CWC27: variants seen among roughly 807,000 people sequenced by gnomAD.
CWC27 encodes the protein spliceosome-associated protein CWC27 homolog.
A neutral mutation model predicts 63.6 loss-of-function variants in CWC27; 47 were observed. That is an observed-to-expected ratio of 0.74 (90% CI 0.58 to 0.94). CWC27 has a LOEUF of 0.94. Among genes scored for constraint, CWC27 ranks in the 40% least tolerant of loss-of-function variants. CWC27 has a pLI of 0.00. For missense variants in CWC27, 495 were observed against 554.3 expected (o/e 0.89, Z 1.07); for synonymous variants, 175 against 179.8 (o/e 0.97, Z 0.22).
intron 2 of CWC27, 111 bp from the exon 3 acceptor site, chr5:64,781,810 C>A: frequency 2.0e-6 from 1 of 491,662 alleles, no homozygotes; most frequent in Admixed American, 3.8e-5. Flanking sequence ...GGCTGGGGAG[C>A]GTATTTAACA....
chr5:64,880,382 T>C (rs565432101), intron 10 of CWC27, among the ~76,000 whole-genome samples: 1 of 152,084 alleles, frequency 6.6e-6, no homozygotes, highest in Admixed American at 6.5e-5. Context: ...TCTAAAAAGG[T>C]GTTTATTTTA....
intron 7 of CWC27, among the ~76,000 whole-genome samples, chr5:64,796,002 CG>C (rs1250065696): frequency 2.9e-5 from 4 of 135,884 alleles, no homozygotes; most frequent in African/African-American, 1.1e-4. Context: ...AGAAATTGTG[CG>C]TGTGTGTGTG....
At chr5:64,925,870 C>G (rs6895512) in intron 11 of CWC27, among the ~76,000 whole-genome samples, 85 of 152,270 alleles carry the variant, frequency 5.6e-4, no homozygotes, top group African/African-American at 1.8e-3. Flanking sequence ...TGTCATGTTG[C>G]TTTTGTGATT....
chr5:64,884,458 T>G (rs1238999991), intron 10 of CWC27, among the ~76,000 whole-genome samples: 2 of 151,986 alleles, frequency 1.3e-5, no homozygotes, highest in African/African-American at 4.8e-5. Flanking sequence ...GGTAAAAAGG[T>G]ATAGGATTTG....
At chr5:64,878,641 A>C (rs1746857901) in intron 10 of CWC27, among the ~76,000 whole-genome samples, 1 of 151,804 alleles carries the variant, frequency 6.6e-6, no homozygotes, top group African/African-American at 2.4e-5. Context: ...GCTATACTCA[A>C]GTGCCACTTT....
At chr5:64,983,988 C>T (rs1460981454) in intron 13 of CWC27, among the ~76,000 whole-genome samples, 10 of 152,010 alleles carry the variant, frequency 6.6e-5, no homozygotes, top group African/African-American at 1.4e-4. Flanking sequence ...CGCACCACCA[C>T]GCCCGGCTAA....
intron 13 of CWC27, among the ~76,000 whole-genome samples, chr5:64,991,165 C>G (rs532710004): frequency 6.6e-6 from 1 of 152,320 alleles, no homozygotes; most frequent in Admixed American, 6.5e-5. Flanking sequence ...ACTTAGGATT[C>G]TCAACTCTGC....
In CWC27 at chr5:64,813,111, A is replaced by C. The variant is rs184031827; in HGVS notation, c.938+8725A>C. The stretch of plus-strand genomic sequence containing the variant: ...TCAATTATTTAAATAATGTTGCATA[A>C]TCTCTCAATGTAGACTAGGTGGTTT... On this transcript the variant is annotated intron_variant, in intron 10 of 13. Transcript: ENST00000381070. Among the ~76,000 whole-genome samples the C allele has an allele frequency of 4.3e-3, 660 of 152,268 alleles. 4 individuals are homozygous for C. The highest frequency in any genetic ancestry group is 0.031 in the Middle Eastern group (9 of 294).
At chr5:64,807,487 C>G in intron 10 of CWC27, 1 of 1,346,744 alleles carries the variant, frequency 7.4e-7, no homozygotes, top group East Asian at 2.6e-5. Flanking sequence ...AAAACGCTTC[C>G]TAGTTTCTCT....
At chr5:64,984,624 C>A (rs1209751889) in intron 13 of CWC27, among the ~76,000 whole-genome samples, 4 of 152,160 alleles carry the variant, frequency 2.6e-5, no homozygotes, top group Non-Finnish European at 5.9e-5. Context: ...CTGTTCAAGT[C>A]TTTTGCCTAT....
chr5:64,924,724 G>C (rs1003829848), intron 11 of CWC27, among the ~76,000 whole-genome samples: 1 of 152,136 alleles, frequency 6.6e-6, no homozygotes. Context: ...AGCACACATG[G>C]CTCATGTGCC....
At chr5:64,938,297 C>A (rs1301515144) in intron 11 of CWC27, among the ~76,000 whole-genome samples, 3 of 152,134 alleles carry the variant, frequency 2.0e-5, no homozygotes, top group Non-Finnish European at 4.4e-5. Context: ...TAAGGCAGGC[C>A]TGTTGGTGAC....
intron 13 of CWC27, among the ~76,000 whole-genome samples, chr5:65,010,504 C>G (rs1272689282): frequency 1.3e-5 from 2 of 152,130 alleles, no homozygotes; most frequent in Non-Finnish European, 2.9e-5. Flanking sequence ...TAACTAGGAG[C>G]TATTTTGTTA....
rs1337676548 is a variant in CWC27 at position 64,840,386 on chromosome 5, A to AT, written c.938+36000_938+36001insT. Among the ~76,000 whole-genome samples the AT allele has an allele frequency of 5.6e-3, 318 of 56,840 alleles. 9 individuals are homozygous for AT. The highest frequency in any genetic ancestry group is 8.1e-3 in the Non-Finnish European group (238 of 29,554). The allele number at this position is 56,840 out of a possible 152,430, so 37.3% of individuals were successfully genotyped here. A position where few individuals can be genotyped will look rare whatever the true frequency, so the allele number is the denominator to read the frequency against. On this transcript the variant is annotated intron_variant, in intron 10 of 13. Transcript: ENST00000381070. ...TTAAAAAAAAAAAAAAAAAAAAAAA[A>AT]AAAAAAAAATATATATATATATATA... is the stretch of plus-strand genomic sequence containing the variant.
At chr5:64,958,735 AAC>A (rs1748848643) in intron 11 of CWC27, among the ~76,000 whole-genome samples, 1 of 152,156 alleles carries the variant, frequency 6.6e-6, no homozygotes, top group African/African-American at 2.4e-5. Flanking sequence ...CTAATGGAAA[AAC>A]ACAGAGGAAA....
intron 7 of CWC27, among the ~76,000 whole-genome samples, chr5:64,790,169 T>G (rs1744024968): frequency 6.6e-6 from 1 of 152,176 alleles, no homozygotes; most frequent in Admixed American, 6.6e-5. Flanking sequence ...TCCATTTACC[T>G]GTACACCAAC....
chr5:64,804,860 T>G (rs1373635808), intron 10 of CWC27: 6 of 152,288 alleles, frequency 3.9e-5, no homozygotes, highest in Non-Finnish European at 7.4e-5. Context: ...ATACCTATCC[T>G]AAGCTCAGTA....
chr5:64,979,381 C>T (rs1441425875), intron 13 of CWC27, among the ~76,000 whole-genome samples: 1 of 152,112 alleles, frequency 6.6e-6, no homozygotes, highest in Non-Finnish European at 1.5e-5. Context: ...AACAAAAATA[C>T]CTTCCATGTT....
intron 5 of CWC27, among the ~76,000 whole-genome samples, chr5:64,785,942 A>G (rs2112170905): frequency 6.6e-6 from 1 of 152,114 alleles, no homozygotes; most frequent in Admixed American, 6.5e-5. Flanking sequence ...AGGTGGGTGG[A>G]TCATGAGGTC....
Sources: gnomAD v4.1 joint callset for allele counts (sites outside exome capture counted in the v4.1 genomes callset) on GRCh38, gnomAD v4.1.1 for gene constraint, MANE v1.5 for transcripts, NCBI Gene and HGNC (gene_info 2026-07-23, HGNC 2026-07-21) for gene names.